KHK: variants seen among roughly 807,000 people sequenced by gnomAD.
The protein encoded by KHK is ketohexokinase, also known as fructokinase.
A neutral mutation model predicts 36.0 loss-of-function variants in KHK; 37 were observed. The ratio of observed to expected loss-of-function variants is 1.03; its 90% CI spans 0.79 to 1.35. The LOEUF is 1.35. Ranked by LOEUF, KHK falls within the 40% of genes most tolerant of loss-of-function variation. The probability of loss-of-function intolerance (pLI) is 0.00; values close to 1 mark genes in which losing one functional copy is unlikely to be tolerated. For synonymous variants in KHK, 161 were observed against 162.8 expected, an observed-to-expected ratio of 0.99 and a Z score of 0.08; for missense variants, 395 against 391.9, an observed-to-expected ratio of 1.01 and a Z score of -0.07.
intron 4 of KHK, 81 bp from the exon 5 acceptor site, chr2:27,097,422 A>T: frequency 6.3e-7 from 1 of 1,589,286 alleles, no homozygotes; most frequent in Non-Finnish European, 8.6e-7. Flanking sequence ...CTCCTCACCC[A>T]GAGTTTCAGC....
rs1243388312 is a variant in KHK, at chr2:27,099,526, C to A, written c.760C>A (p.Leu254Met). The change falls in exon 7 of 8, where the codon CTG becomes ATG. Residue 254 changes from leucine to methionine, a missense_variant. Transcript: ENST00000260598. ...CCCGCCACCCCGCGTGGTGGATACA[C>A]TGGGAGCTGGAGACACCTTCAATGC... ...AFPPPRVVDT[L>M]GAGDTFNASV... The A allele has an allele frequency of 1.9e-6, 3 of 1,614,196 alleles. No individual in the cohort carries two copies. Among genetic ancestry groups the A allele is most frequent in the Non-Finnish European group, 2.5e-6 (3 of 1,180,028 alleles).
At chr2:27,094,106 C>A (rs1670175303) in intron 2 of KHK, 1 of 368,278 alleles carries the variant, frequency 2.7e-6, no homozygotes, top group Non-Finnish European at 5.3e-6. Flanking sequence ...TTGCAGGAAA[C>A]AAGCCACGGT....
chr2:27,096,903 A>C, intron 4 of KHK, 102 bp downstream of exon 4: 1 of 847,438 alleles, frequency 1.2e-6, no homozygotes, highest in East Asian at 2.4e-5. Flanking sequence ...CCTTAGAGAT[A>C]AATGAACCCA....
Position 27,096,796 on chromosome 2 carries a change from A to C in KHK, c.412A>C (p.Ile138Leu). ...VDLTQFKWIH[I>L]EGRNASEQVK... ...TCTGACCCAGTTCAAGTGGATCCAC[A>C]TTGAGGTAAGCCCTGCCTTACCTGT... The change falls in exon 4 of 8, where the codon ATT becomes CTT. Residue 138 changes from isoleucine (I) to leucine (L), a missense_variant. Ile to Leu is a conservative substitution (Grantham distance 5). Transcript: ENST00000260598. 1 of 1,613,248 alleles carries C rather than the reference A, an allele frequency of 6.2e-7. No homozygotes were observed. The highest frequency in any genetic ancestry group is 1.7e-4 in the Middle Eastern group (1 of 6,060).
chr2:27,087,440 T>C (rs1461756182), intron 1 of KHK, 89 bp downstream of exon 1: 1 of 1,016,072 alleles, frequency 9.8e-7, no homozygotes, highest in Non-Finnish European at 1.5e-6. Context: ...GACCCCGCAG[T>C]GAGGCCCTGA....
chr2:27,100,231 C>G lies in KHK; in HGVS notation c.*481C>G, dbSNP rs925027723. 27 of 398,364 alleles carry G rather than the reference C, an allele frequency of 6.8e-5. No individual in the cohort carries two copies. Among genetic ancestry groups the G allele is most frequent in the Non-Finnish European group, 1.0e-4 (22 of 211,540 alleles). 24.7% of individuals were successfully genotyped at this position (398,364 alleles called of 1,614,324 possible). Reference sequence around the variant, plus strand: ...TTCGGGGCCCTGCGTTGTGCAGACTCTATTCCCACAGCTCAGAAGCTGGGA... The same window carrying G: ...TTCGGGGCCCTGCGTTGTGCAGACTGTATTCCCACAGCTCAGAAGCTGGGA... On this transcript the variant is annotated 3_prime_UTR_variant, in exon 8 of 8. Coordinates refer to ENST00000260598, the MANE Select transcript of KHK (RefSeq NM_006488.3).
chr2:27,097,782 TG>T, intron 5 of KHK, 133 bp downstream of exon 5: 1 of 1,324,856 alleles, frequency 7.5e-7, no homozygotes. Context: ...AGATGGGGGA[TG>T]GGGGTTAAAG....
chr2:27,099,694 G>A lies in KHK; in HGVS notation c.841G>A (p.Gly281Arg), dbSNP rs375971120. The A allele has an allele frequency of 5.0e-6, 8 of 1,614,012 alleles. No homozygotes were observed. The highest frequency in any genetic ancestry group is 3.3e-5 in the South Asian group (3 of 91,086). ...GRSVQEALRF[G>R]CQVAGKKCGL... ...GAGCGTGCAGGAAGCACTGAGATTC[G>A]GGTGCCAGGTGGCCGGCAAGAAGTG... is the stretch of plus-strand genomic sequence containing the variant. The change falls in exon 8 of 8, where the codon GGG (glycine) becomes AGG (arginine). Residue 281 changes from glycine to arginine, a missense_variant. Transcript: ENST00000260598.
chr2:27,095,028 CTCTGTG>C, intron 3 of KHK, 94 bp downstream of exon 3: 1 of 1,421,672 alleles, frequency 7.0e-7, no homozygotes, highest in Non-Finnish European at 9.9e-7. Flanking sequence ...AACTGCCCCC[CTCTGTG>C]GCTTCTGTGT....
chr2:27,097,735 C>T, intron 5 of KHK, 86 bp downstream of exon 5: 6 of 1,567,100 alleles, frequency 3.8e-6, no homozygotes, highest in Non-Finnish European at 5.3e-6. Context: ...CTGCCTACCA[C>T]AATTGGAATA....
intron 2 of KHK, 105 bp from the exon 3 acceptor site, chr2:27,094,695 C>A (rs558348945): frequency 1.2e-6 from 2 of 1,612,442 alleles, no homozygotes; most frequent in Non-Finnish European, 1.7e-6. Flanking sequence ...CTTAGAGGCT[C>A]GTGTGCTCCA....
chr2:27,087,371 C>T lies in KHK; in HGVS notation c.92+20C>T. The T allele has an allele frequency of 1.3e-6, 2 of 1,549,864 alleles. No individual in the cohort carries two copies. The highest frequency in any genetic ancestry group is 1.8e-6 in the Non-Finnish European group (2 of 1,141,232). ...GATAAGGTAGGGGCGCCCAGGTCCCCTAGGGGACCCCAGGGGCTGCTGCAG... is the reference window on the plus strand; with the variant it reads ...GATAAGGTAGGGGCGCCCAGGTCCCTTAGGGGACCCCAGGGGCTGCTGCAG... On this transcript the variant is annotated intron_variant, in intron 1 of 7. Coordinates refer to ENST00000260598, the MANE Select transcript of KHK (RefSeq NM_006488.3).
At position 27,095,812 on chromosome 2, in the gene KHK, G is replaced by A. The variant is rs1192128912; in HGVS notation, c.344+878G>A. On this transcript the variant is annotated intron_variant, in intron 3 of 7. Coordinates refer to ENST00000260598, the MANE Select transcript of KHK (RefSeq NM_006488.3). ...TCATATGTGCAGTGAGTGTGAGTAG[G>A]CAGGCATATGTGCTACAGGTGACCT... Among the ~76,000 whole-genome samples, 6 of 152,220 alleles carry A rather than the reference G, an allele frequency of 3.9e-5. 1 individual carries two copies. The highest frequency in any genetic ancestry group is 1.3e-4 in the Admixed American group (2 of 15,282).
chr2:27,094,524 C>T (rs1241899547), intron 2 of KHK: 9 of 1,614,154 alleles, frequency 5.6e-6, no homozygotes, highest in Non-Finnish European at 7.6e-6. Context: ...CTACGCTACA[C>T]AGTCTTTCAG....
intron 1 of KHK, among the ~76,000 whole-genome samples, chr2:27,091,432 A>G (rs1669999107): frequency 6.6e-6 from 1 of 152,016 alleles, no homozygotes; most frequent in South Asian, 2.1e-4. Flanking sequence ...CCCTTTTCCC[A>G]AAACTGAAGT....
chr2:27,094,405 C>T, intron 2 of KHK: 5 of 1,591,272 alleles, frequency 3.1e-6, no homozygotes, highest in Non-Finnish European at 3.4e-6. Context: ...CCCTAGTGGC[C>T]CTGCCAGCTA....
chr2:27,088,919 C>A (rs1000282018), intron 1 of KHK, among the ~76,000 whole-genome samples: 1 of 152,142 alleles, frequency 6.6e-6, no homozygotes, highest in African/African-American at 2.4e-5. Context: ...CTGAACTCCA[C>A]AAAGACACGA....
At chr2:27,090,851 C>T (rs916615138) in intron 1 of KHK, among the ~76,000 whole-genome samples, 2 of 151,748 alleles carry the variant, frequency 1.3e-5, no homozygotes, top group Non-Finnish European at 1.5e-5. Context: ...CCGAGGAGTT[C>T]GGGACCAGCC....
At chr2:27,090,764 C>T (rs1305357537) in intron 1 of KHK, among the ~76,000 whole-genome samples, 1 of 151,600 alleles carries the variant, frequency 6.6e-6, no homozygotes, top group Admixed American at 6.6e-5. Flanking sequence ...GCTTGAAAAT[C>T]TTTGACCAGC....
Sources: allele counts gnomAD v4.1 joint callset (sites outside exome capture counted in the v4.1 genomes callset), GRCh38; gene constraint gnomAD v4.1.1; transcripts MANE v1.5; gene names NCBI Gene and HGNC (gene_info 2026-07-23, HGNC 2026-07-21).